TMPRSS13: variants seen among roughly 807,000 people sequenced by gnomAD.
TMPRSS13 encodes the protein transmembrane serine protease 13.
TMPRSS13 carries 50 observed loss-of-function variants against 68.4 expected under a neutral mutation model. The observed-to-expected ratio is 0.73, with a 90% confidence interval of 0.58 to 0.93. TMPRSS13 has a LOEUF of 0.93. Among genes scored for constraint, TMPRSS13 ranks in the 40% least tolerant of loss-of-function variants. TMPRSS13 has a pLI of 0.00. For synonymous variants in TMPRSS13, 267 were observed against 285.8 expected (o/e 0.93, Z 0.66); for missense variants, 615 against 729.2 (o/e 0.84, Z 1.80).
chr11:117,920,132 G>A (rs1255416740), intron 1 of TMPRSS13, among the ~76,000 whole-genome samples: 1 of 152,184 alleles, frequency 6.6e-6, no homozygotes, highest in African/African-American at 2.4e-5. Flanking sequence ...GGGTTAGAGA[G>A]ACCAGGCTGG....
At chr11:117,912,854 C>A (rs1273046337) in intron 5 of TMPRSS13, among the ~76,000 whole-genome samples, 5 of 152,180 alleles carry the variant, frequency 3.3e-5, no homozygotes, top group African/African-American at 4.8e-5. Flanking sequence ...ACGATAAAAG[C>A]TCAATGAATA....
At chr11:117,905,968 G>A (rs1449241033) in intron 9 of TMPRSS13, among the ~76,000 whole-genome samples, 5 of 152,192 alleles carry the variant, frequency 3.3e-5, no homozygotes, top group Admixed American at 2.6e-4. Context: ...CCTCAAAGCC[G>A]TTCTGATTTC....
At chr11:117,916,045 C>T (rs1389466606) in intron 3 of TMPRSS13, among the ~76,000 whole-genome samples, 1 of 152,186 alleles carries the variant, frequency 6.6e-6, no homozygotes, top group African/African-American at 2.4e-5. Flanking sequence ...GCCTGCTCTG[C>T]CAGCACACTG....
intron 1 of TMPRSS13, among the ~76,000 whole-genome samples, chr11:117,924,849 C>T (rs1346083985): frequency 2.0e-5 from 3 of 152,190 alleles, no homozygotes; most frequent in Admixed American, 6.5e-5. Context: ...ACCTCCTCAC[C>T]CAGCACCAGC....
At position 117,914,462 on chromosome 11, in the gene TMPRSS13, G is replaced by C. The variant is rs778103576; in HGVS notation, c.609C>G (p.Ser203Arg). Residue 203 changes from serine (S) to arginine (R), a missense_variant, in exon 4 of 13, where the codon AGC (serine) becomes AGG (arginine). Transcript: ENST00000524993. The surrounding 1 kb of genome is among the most constrained non-coding windows in gnomAD (Gnocchi z 4.2). ...TGIRYKEQRE[S>R]CPKHAVRCDG... is the part of the protein sequence containing the mutation. ...CACAGCGAACAGCGTGCTTGGGACA[G>C]CTCTCCCTCTGCTCCTTGTACCTGA... 3.0e-5 allele frequency: 49 copies of C among 1,613,946 alleles called. No homozygotes were observed. The highest frequency in any genetic ancestry group is 2.5e-6 in the Non-Finnish European group (3 of 1,180,026).
Position 117,918,379 on chromosome 11 carries a change from C to T in TMPRSS13, c.451+30G>A. Reference sequence around the variant, plus strand: ...CCTGCCCATGGGCTGCTTCCCATCTCTCGTGGCTTCCCTACAGCATCCCCC... The same window carrying T: ...CCTGCCCATGGGCTGCTTCCCATCTTTCGTGGCTTCCCTACAGCATCCCCC... On this transcript the variant is annotated intron_variant, in intron 2 of 12. Transcript: ENST00000524993. 3 of 1,605,888 alleles carry T rather than the reference C, an allele frequency of 1.9e-6. No individual in the cohort carries two copies. The East Asian group carries it at 6.7e-5, about 36-fold the overall frequency.
chr11:117,908,876 C>T, intron 8 of TMPRSS13, 92 bp from the exon 9 acceptor site: 2 of 1,315,524 alleles, frequency 1.5e-6, no homozygotes, highest in East Asian at 2.5e-5. Context: ...AGTCAGAGCA[C>T]CAGCTTGGAG....
chr11:117,905,141 C>T (rs1261463683), intron 10 of TMPRSS13, among the ~76,000 whole-genome samples: 1 of 151,636 alleles, frequency 6.6e-6, no homozygotes, highest in Non-Finnish European at 1.5e-5. Flanking sequence ...GAGATTCTCC[C>T]ACCTTGGCCT....
intron 9 of TMPRSS13, among the ~76,000 whole-genome samples, chr11:117,906,337 T>G (rs1254674371): frequency 1.3e-5 from 2 of 152,240 alleles, no homozygotes; most frequent in Non-Finnish European, 2.9e-5. Flanking sequence ...AAATATTATA[T>G]TTAGAAGTCA....
intron 9 of TMPRSS13, 140 bp downstream of exon 9, chr11:117,908,472 A>C: frequency 2.3e-6 from 2 of 875,866 alleles, no homozygotes; most frequent in Middle Eastern, 2.2e-4. Flanking sequence ...GTTCCATGTA[A>C]GGATCTTTAA....
In TMPRSS13 at chr11:117,901,972, C is replaced by T; in HGVS notation, c.*267G>A. 1.8e-6 allele frequency: 1 copy of T among 550,070 alleles called. No homozygotes were observed. The highest frequency in any genetic ancestry group is 3.0e-5 in the Admixed American group (1 of 33,880). 34.1% of individuals were successfully genotyped at this position (550,070 alleles called of 1,614,324 possible). ...CTCCTGTAGGAACATCCACGGTACTCAACTCTTGTCTCCAGGTAATTTCCA... is the reference window on the plus strand; with the variant it reads ...CTCCTGTAGGAACATCCACGGTACTTAACTCTTGTCTCCAGGTAATTTCCA... On this transcript the variant is annotated 3_prime_UTR_variant, in exon 13 of 13. Coordinates refer to ENST00000524993, the MANE Select transcript of TMPRSS13 (RefSeq NM_001077263.3).
chr11:117,915,898 G>A lies in TMPRSS13; in HGVS notation c.556+1272C>T, dbSNP rs961348734. On this transcript the variant is annotated intron_variant, in intron 3 of 12. Coordinates refer to ENST00000524993, the MANE Select transcript of TMPRSS13 (RefSeq NM_001077263.3). The surrounding 1 kb of genome is among the most constrained non-coding windows in gnomAD (Gnocchi z 4.9). Reference sequence around the variant, plus strand: ...AGCAAGTCACAGCAGGCACCATGCCGAGGCCTTTATGTGCATTATGACAAA... The same window carrying A: ...AGCAAGTCACAGCAGGCACCATGCCAAGGCCTTTATGTGCATTATGACAAA... Among the ~76,000 whole-genome samples the A allele has an allele frequency of 2.0e-5, 3 of 152,216 alleles. No individual in the cohort carries two copies. The highest frequency in any genetic ancestry group is 4.4e-5 in the Non-Finnish European group (3 of 68,028).
At position 117,922,339 on chromosome 11, in the gene TMPRSS13, A is replaced by G. The variant is rs2057657205; in HGVS notation, c.22-3501T>C. Among the ~76,000 whole-genome samples the G allele has an allele frequency of 6.6e-6, 1 of 151,980 alleles. No individual in the cohort carries two copies. Among genetic ancestry groups the G allele is most frequent in the African/African-American group, 2.4e-5 (1 of 41,380 alleles). Reference sequence around the variant, plus strand: ...AACCTCCACCTCCCGGGTTCAAGTGATTCTCCTTCCTCAGCCTCCTGAGTA... The same window carrying G: ...AACCTCCACCTCCCGGGTTCAAGTGGTTCTCCTTCCTCAGCCTCCTGAGTA... On this transcript the variant is annotated intron_variant, in intron 1 of 12. Coordinates refer to ENST00000524993, the MANE Select transcript of TMPRSS13 (RefSeq NM_001077263.3). This position sits in a 1 kb window ranked among gnomAD's most constrained non-coding sequence, Gnocchi z 4.2.
At position 117,914,052 on chromosome 11, in the gene TMPRSS13, T is replaced by C; in HGVS notation, c.680-146A>G. 1.0e-6 allele frequency: 1 copy of C among 998,140 alleles called. No homozygotes were observed. The highest frequency in any genetic ancestry group is 1.4e-6 in the Non-Finnish European group (1 of 690,222). The allele number at this position is 998,140 out of a possible 1,614,324, so 61.8% of individuals were successfully genotyped here. On this transcript the variant is annotated intron_variant, in intron 4 of 12. Coordinates refer to ENST00000524993, the MANE Select transcript of TMPRSS13 (RefSeq NM_001077263.3). This position sits in a 1 kb window ranked among gnomAD's most constrained non-coding sequence, Gnocchi z 4.2. ...CTGGGAAAAGTCCAGGAACATGGCC[T>C]GGGTCATGGGGGTTAACCAGTACTC...
chr11:117,904,140 G>A, intron 10 of TMPRSS13, 39 bp from the exon 11 acceptor site: 1 of 1,604,636 alleles, frequency 6.2e-7, no homozygotes, highest in Non-Finnish European at 8.5e-7. Flanking sequence ...AGGATGGGAA[G>A]CCAGTGAGAT....
chr11:117,919,836 A>G (rs1024010794), intron 1 of TMPRSS13, among the ~76,000 whole-genome samples: 1 of 152,244 alleles, frequency 6.6e-6, no homozygotes, highest in African/African-American at 2.4e-5. Flanking sequence ...TTTGTCTCTG[A>G]GTCACCTGCC....
At position 117,918,513 on chromosome 11, in the gene TMPRSS13, G is replaced by A. The variant is rs1283909094; in HGVS notation, c.347C>T (p.Pro116Leu). The A allele has an allele frequency of 6.2e-7, 1 of 1,614,220 alleles. No individual in the cohort carries two copies. Among genetic ancestry groups the A allele is most frequent in the East Asian group, 2.2e-5 (1 of 44,888 alleles). The part of the protein sequence containing the change: ...SARSASVTTS[P>L]TRVYLVRATP... ...TGCTCTAACAAGGTACACTCTGGTT[G>A]GGGAGGTTGTCACCGAGGCTGACCT... The change falls in exon 2 of 13, where the codon CCA becomes CTA. Residue 116 changes from proline to leucine, a missense_variant. By Grantham distance (98) the Pro-to-Leu change is moderately conservative (BLOSUM62 -3). Coordinates refer to ENST00000524993, the MANE Select transcript of TMPRSS13 (RefSeq NM_001077263.3).
intron 12 of TMPRSS13, chr11:117,903,447 G>A: frequency 2.0e-6 from 3 of 1,536,996 alleles, no homozygotes; most frequent in Non-Finnish European, 2.6e-6. Context: ...TCAACCCGCT[G>A]AGCTCTGTTC....
chr11:117,918,526 C>T lies in TMPRSS13; in HGVS notation c.334G>A (p.Val112Met), dbSNP rs772677831. The change falls in exon 2 of 13, where the codon GTG (valine) becomes ATG (methionine). Residue 112 changes from valine (V) to methionine (M), a missense_variant. Val to Met is a conservative substitution (Grantham distance 21). Coordinates refer to ENST00000524993, the MANE Select transcript of TMPRSS13 (RefSeq NM_001077263.3). ...TACACTCTGGTTGGGGAGGTTGTCA[C>T]CGAGGCTGACCTGGCGGATGATGAC... The part of the protein sequence containing the change: ...GRSSSARSAS[V>M]TTSPTRVYLV... 2.5e-6 allele frequency: 4 copies of T among 1,614,090 alleles called. No homozygotes were observed. The Admixed American group carries it at 5.0e-5, about 20-fold the overall frequency.
Sources: allele counts gnomAD v4.1 joint callset (sites outside exome capture counted in the v4.1 genomes callset), GRCh38; gene constraint gnomAD v4.1.1; non-coding constraint Gnocchi (gnomAD v3.1); transcripts MANE v1.5; gene names NCBI Gene and HGNC (gene_info 2026-07-23, HGNC 2026-07-21).